RBM26: variants seen among roughly 807,000 people sequenced by gnomAD.
RBM26 encodes the protein RNA binding motif protein 26, also known as RNA-binding protein 26.
A neutral mutation model predicts 123.6 loss-of-function variants in RBM26; 30 were observed. The observed-to-expected ratio is 0.24, with a 90% CI of 0.18 to 0.33. The LOEUF (loss-of-function observed/expected upper bound fraction) is 0.33. RBM26 is among the 10% of genes least tolerant of loss of function. The pLI is 1.00. For missense variants in RBM26, 947 were observed against 1,203.6 expected (o/e 0.79, Z 3.15); for synonymous variants, 400 against 404.4 (o/e 0.99, Z 0.13).
intron 1 of RBM26, among the ~76,000 whole-genome samples, chr13:79,383,678 G>A (rs1255991856): frequency 6.6e-6 from 1 of 151,848 alleles, no homozygotes; most frequent in Non-Finnish European, 1.5e-5. Flanking sequence ...GGGGGGTGGG[G>A]GGAACCAATA....
chr13:79,366,754 A>C lies in RBM26; in HGVS notation c.1014T>G (p.Val338=), dbSNP rs766277769. 1 of 1,613,916 alleles carries C rather than the reference A, an allele frequency of 6.2e-7. No homozygotes were observed. Among genetic ancestry groups the C allele is most frequent in the South Asian group, 1.1e-5 (1 of 91,062 alleles). The change falls in exon 7 of 22, where the codon GTT becomes GTG. Residue 338 remains valine (V), a synonymous_variant. Transcript: ENST00000438737. ...MLPFPAQPPV[V]EGPPPPGLPP... is the part of the protein sequence containing the mutation. ...GGAGTCCAGGAGGAGGTGGTCCTTC[A>C]ACAACAGGAGGCTGTGCTGGGAAAG...
chr13:79,365,587 G>A lies in RBM26; in HGVS notation c.1408C>T (p.Pro470Ser), dbSNP rs866978160. 3 of 1,611,074 alleles carry A rather than the reference G, an allele frequency of 1.9e-6. No homozygotes were observed. Among genetic ancestry groups the A allele is most frequent in the Non-Finnish European group, 1.7e-6 (2 of 1,178,346 alleles). ...AGATTAATTATAGTACCTCTGGGTG[G>A]CAAATCCATATCCCCTGATGTTAGT... Reference protein sequence around the residue: ...IGLTSGDMDLPPREKPPNKSS... With the variant: ...IGLTSGDMDLSPREKPPNKSS... The change falls in exon 9 of 22, where the codon CCA (proline) becomes TCA (serine). Residue 470 changes from proline to serine, a missense_variant. Pro to Ser is a moderately conservative substitution (Grantham distance 74). Transcript: ENST00000438737.
Position 79,319,168 on chromosome 13 carries a change from T to A in RBM26, c.*1453A>T, listed in dbSNP as rs960998402. ...ATGGGGAAGAAGAAAAAGAACAGCA[T>A]CCTTAAGTTACTCCACTGGCAGAAG... On this transcript the variant is annotated 3_prime_UTR_variant, in exon 22 of 22. Coordinates refer to ENST00000438737, the MANE Select transcript of RBM26 (RefSeq NM_001366735.2). 4.1e-6 allele frequency: 4 copies of A among 984,480 alleles called. No individual in the cohort carries two copies. The highest frequency in any genetic ancestry group is 4.8e-6 in the Non-Finnish European group (4 of 829,406). 61.0% of individuals were successfully genotyped at this position (984,480 alleles called of 1,614,324 possible).
At chr13:79,400,945 C>T (rs890524506) in intron 1 of RBM26, among the ~76,000 whole-genome samples, 5 of 152,090 alleles carry the variant, frequency 3.3e-5, no homozygotes, top group Admixed American at 6.5e-5. Context: ...GATTTACCAG[C>T]GACAGGAACA....
intron 3 of RBM26, among the ~76,000 whole-genome samples, chr13:79,374,619 C>T (rs931996798): frequency 2.6e-5 from 4 of 152,124 alleles, no homozygotes; most frequent in African/African-American, 9.7e-5. Context: ...CAAGTACTTT[C>T]GTACTCTTTC....
chr13:79,383,571 T>C (rs190196517), intron 1 of RBM26, among the ~76,000 whole-genome samples: 2 of 152,292 alleles, frequency 1.3e-5, no homozygotes, highest in East Asian at 3.9e-4. Context: ...ATCGCATTCA[T>C]TATTCAAGAA....
At chr13:79,314,875 T>G, downstream of RBM26, 1 of 715,170 alleles carries the variant, frequency 1.4e-6, no homozygotes, top group Non-Finnish European at 2.1e-6. Context: ...CTGTTCAAAT[T>G]GATAAAGAGT....
intron 14 of RBM26, among the ~76,000 whole-genome samples, chr13:79,348,836 CT>C (rs1287452750): frequency 6.6e-6 from 1 of 152,150 alleles, no homozygotes; most frequent in Non-Finnish European, 1.5e-5. Flanking sequence ...TTTATACATA[CT>C]TTTAGATATT....
Position 79,365,643 on chromosome 13 carries a change from C to T in RBM26, c.1352G>A (p.Arg451Lys), listed in dbSNP as rs1473940654. Reference sequence around the variant, plus strand: ...CAAGTTGGGCCTTTGTGCATGCACTCTGTGTCTATACATAGGTCTGGAAGT... The same window carrying T: ...CAAGTTGGGCCTTTGTGCATGCACTTTGTGTCTATACATAGGTCTGGAAGT... ...TNTSRPMYRH[R>K]VHAQRPNLIG... The change falls in exon 9 of 22, where the codon AGA (arginine) becomes AAA (lysine). Residue 451 changes from arginine (R) to lysine (K), a missense_variant. Arg to Lys is a conservative substitution (Grantham distance 26). Transcript: ENST00000438737. 4 of 1,613,750 alleles carry T rather than the reference C, an allele frequency of 2.5e-6. No homozygotes were observed. The highest frequency in any genetic ancestry group is 4.5e-5 in the East Asian group (2 of 44,856).
At chr13:79,327,943 A>T (rs2068694276) in intron 20 of RBM26, among the ~76,000 whole-genome samples, 3 of 152,140 alleles carry the variant, frequency 2.0e-5, no homozygotes, top group East Asian at 1.9e-4. Flanking sequence ...ATTAATTTTT[A>T]AAAAAGAAAA....
intron 21 of RBM26, among the ~76,000 whole-genome samples, chr13:79,321,792 A>C (rs777409223): frequency 4.0e-5 from 6 of 151,414 alleles, no homozygotes; most frequent in Non-Finnish European, 7.4e-5. Context: ...GAGTTTCCAG[A>C]GCATGTTGTT....
intron 9 of RBM26, among the ~76,000 whole-genome samples, chr13:79,361,299 A>C (rs2074657120): frequency 6.6e-6 from 1 of 151,996 alleles, no homozygotes; most frequent in Non-Finnish European, 1.5e-5. Flanking sequence ...CTCCATTTTC[A>C]ACCTTTCCCA....
intron 11 of RBM26, among the ~76,000 whole-genome samples, chr13:79,357,626 A>T (rs2074181055): frequency 6.6e-6 from 1 of 152,178 alleles, no homozygotes; most frequent in African/African-American, 2.4e-5. Flanking sequence ...AAAAGTCTCT[A>T]TTAAGTGCAT....
intron 14 of RBM26, among the ~76,000 whole-genome samples, chr13:79,348,163 T>G (rs528615538): frequency 6.6e-6 from 1 of 152,144 alleles, no homozygotes; most frequent in African/African-American, 2.4e-5. Context: ...CATTTGCTAA[T>G]ATTTTCTCTA....
chr13:79,402,076 A>G (rs1380545328), intron 1 of RBM26, among the ~76,000 whole-genome samples: 2 of 151,946 alleles, frequency 1.3e-5, no homozygotes, highest in Non-Finnish European at 2.9e-5. Context: ...AAAGTTTTAA[A>G]TACAGTAGAA....
downstream of RBM26, among the ~76,000 whole-genome samples, chr13:79,316,980 GTTTT>G (rs751640199): frequency 5.9e-5 from 9 of 151,434 alleles, no homozygotes; most frequent in African/African-American, 1.7e-4. Context: ...ATATTGGTTT[GTTTT>G]TTTTTTAAAA....
At chr13:79,351,666 C>A (rs1237202954) in intron 14 of RBM26, among the ~76,000 whole-genome samples, 1 of 151,842 alleles carries the variant, frequency 6.6e-6, no homozygotes, top group Non-Finnish European at 1.5e-5. Context: ...TAATAAAAGT[C>A]AGGAAAGGCC....
intron 21 of RBM26, among the ~76,000 whole-genome samples, chr13:79,321,034 A>G (rs2067611209): frequency 6.6e-6 from 1 of 151,384 alleles, no homozygotes; most frequent in Non-Finnish European, 1.5e-5. Context: ...AAAAAAGAAA[A>G]CAGTAAGTTT....
At chr13:79,361,159 C>A (rs1244138494) in intron 9 of RBM26, among the ~76,000 whole-genome samples, 1 of 152,040 alleles carries the variant, frequency 6.6e-6, no homozygotes, top group Non-Finnish European at 1.5e-5. Flanking sequence ...TTTTATTTTT[C>A]TTAAACATTT....
Sources: gnomAD v4.1 joint callset for allele counts (sites outside exome capture counted in the v4.1 genomes callset) on GRCh38, gnomAD v4.1.1 for gene constraint, MANE v1.5 for transcripts, NCBI Gene and HGNC (gene_info 2026-07-23, HGNC 2026-07-21) for gene names.